Variants in TRDN observed in about 807,000 individuals in gnomAD.
The protein encoded by TRDN is triadin, also known as triadin in skeletal muscle.
Under a neutral mutation model 149.7 loss-of-function variants are expected in TRDN, and 161 were observed. The observed-to-expected ratio is 1.08, with a 90% CI of 0.95 to 1.23. The LOEUF (loss-of-function observed/expected upper bound fraction) is 1.23. TRDN is among the 50% of genes most tolerant of loss of function. The pLI, the probability that TRDN is intolerant of heterozygous loss-of-function variation, is 0.00. For missense variants in TRDN, 896 were observed against 823.5 expected, an observed-to-expected ratio of 1.09 and a Z score of -1.08; for synonymous variants, 294 against 250.5, an observed-to-expected ratio of 1.17 and a Z score of -1.64.
At chr6:123,614,420 T>G (rs1415304567) in intron 1 of TRDN, among the ~76,000 whole-genome samples, 1 of 151,242 alleles carries the variant, frequency 6.6e-6, no homozygotes, top group Non-Finnish European at 1.5e-5. Flanking sequence ...AATAGAAATA[T>G]TAAAACTAGC....
At chr6:123,378,541 T>C (rs1340481679) in intron 16 of TRDN, among the ~76,000 whole-genome samples, 1 of 151,364 alleles carries the variant, frequency 6.6e-6, no homozygotes, top group Non-Finnish European at 1.5e-5. Flanking sequence ...GGTCTCAAAC[T>C]TCTGGGCTCA....
intron 1 of TRDN, among the ~76,000 whole-genome samples, chr6:123,617,222 G>A (rs1785139292): frequency 6.6e-6 from 1 of 152,080 alleles, no homozygotes; most frequent in Non-Finnish European, 1.5e-5. Context: ...CCAAAGTAGG[G>A]CAAGGTGTCC....
intron 4 of TRDN, among the ~76,000 whole-genome samples, chr6:123,540,252 G>A (rs1178268418): frequency 4.6e-5 from 7 of 152,072 alleles, no homozygotes; most frequent in African/African-American, 1.7e-4. Context: ...AGATGCTTTC[G>A]CAGAGGCATT....
chr6:123,543,373 A>G (rs995903400), intron 4 of TRDN, among the ~76,000 whole-genome samples: 7 of 152,224 alleles, frequency 4.6e-5, no homozygotes, highest in Admixed American at 3.9e-4. Flanking sequence ...CTCATAGAAA[A>G]CACTTGAAAA....
At chr6:123,401,764 T>C (rs1582972947) in intron 12 of TRDN, among the ~76,000 whole-genome samples, 3 of 152,106 alleles carry the variant, frequency 2.0e-5, no homozygotes, top group East Asian at 3.9e-4. Context: ...CTGGCCAACA[T>C]GGTGAAACCC....
At position 123,512,287 on chromosome 6, in the gene TRDN, T is replaced by C; in HGVS notation, c.610+16A>G. On this transcript the variant is annotated intron_variant, in intron 7 of 40. Coordinates refer to ENST00000334268, the MANE Select transcript of TRDN (RefSeq NM_006073.4). Reference sequence around the variant, plus strand: ...AAAAAGAATTTAGTTATGGAAATAATAAATTGAAAAGTTACCTTTCGCCAG... The same window carrying C: ...AAAAAGAATTTAGTTATGGAAATAACAAATTGAAAAGTTACCTTTCGCCAG... The C allele has an allele frequency of 2.2e-6, 3 of 1,362,704 alleles. No individual in the cohort carries two copies. Among genetic ancestry groups the C allele is most frequent in the Non-Finnish European group, 3.0e-6 (3 of 985,170 alleles). The allele number at this position is 1,362,704 out of a possible 1,614,324, so 84.4% of individuals were successfully genotyped here.
intron 2 of TRDN, among the ~76,000 whole-genome samples, chr6:123,558,361 A>G (rs923541361): frequency 2.6e-5 from 4 of 151,870 alleles, no homozygotes; most frequent in African/African-American, 4.8e-5. Flanking sequence ...TAATCCTTTT[A>G]TCACCTCCCC....
At chr6:123,426,564 C>T (rs146868951) in intron 12 of TRDN, among the ~76,000 whole-genome samples, 1 of 152,242 alleles carries the variant, frequency 6.6e-6, no homozygotes, top group Non-Finnish European at 1.5e-5. Flanking sequence ...GCTTATATCA[C>T]ATGTTCAAGC....
chr6:123,497,594 T>G (rs1296425886), intron 8 of TRDN, among the ~76,000 whole-genome samples: 1 of 152,176 alleles, frequency 6.6e-6, no homozygotes, highest in African/African-American at 2.4e-5. Flanking sequence ...TTTGTCATTT[T>G]ATAAACTTTC....
chr6:123,401,331 G>T (rs1772962263), intron 12 of TRDN, among the ~76,000 whole-genome samples: 1 of 152,194 alleles, frequency 6.6e-6, no homozygotes, highest in Admixed American at 6.5e-5. Flanking sequence ...GCCCAAGGAA[G>T]AATTCAGAGG....
In TRDN at chr6:123,584,158, G is replaced by A. The variant is rs182312554; in HGVS notation, c.23-13026C>T. 2.3e-3 allele frequency among the ~76,000 whole-genome samples: 343 copies of A among 152,270 alleles called. 2 individuals carry two copies. The highest frequency in any genetic ancestry group is 3.4e-3 in the Non-Finnish European group (234 of 68,018). On this transcript the variant is annotated intron_variant, in intron 1 of 40. Coordinates refer to ENST00000334268, the MANE Select transcript of TRDN (RefSeq NM_006073.4). ...TCATGGAGGTCGGGTGTGGTATCAG[G>A]AATAATGTGGGAGGCTGGATTGAAG... is the stretch of plus-strand genomic sequence containing the variant.
intron 35 of TRDN, among the ~76,000 whole-genome samples, chr6:123,256,538 A>G (rs1241944266): frequency 6.6e-6 from 1 of 152,130 alleles, no homozygotes; most frequent in African/African-American, 2.4e-5. Context: ...CTGGTGTGAG[A>G]TGGTATCTCA....
intron 9 of TRDN, among the ~76,000 whole-genome samples, chr6:123,484,643 A>G (rs1465324118): frequency 1.3e-5 from 2 of 152,152 alleles, no homozygotes; most frequent in African/African-American, 4.8e-5. Flanking sequence ...TTCTTGTCTG[A>G]CAGCAAGTCC....
chr6:123,410,539 A>T (rs1008741154), intron 12 of TRDN, among the ~76,000 whole-genome samples: 3 of 152,228 alleles, frequency 2.0e-5, no homozygotes, highest in African/African-American at 7.2e-5. Context: ...TATTTTAAGT[A>T]TATATTTATT....
At chr6:123,330,934 C>T (rs970231486) in intron 23 of TRDN, among the ~76,000 whole-genome samples, 7 of 151,936 alleles carry the variant, frequency 4.6e-5, no homozygotes, top group African/African-American at 1.7e-4. Flanking sequence ...ATAAAAAAAT[C>T]CCAGTAAGAT....
intron 1 of TRDN, among the ~76,000 whole-genome samples, chr6:123,578,701 G>T (rs570544618): frequency 6.6e-6 from 1 of 152,264 alleles, no homozygotes; most frequent in East Asian, 1.9e-4. Context: ...AATGTCACTG[G>T]TAGTTTGATA....
intron 21 of TRDN, among the ~76,000 whole-genome samples, chr6:123,341,535 G>T (rs1780062320): frequency 6.8e-6 from 1 of 147,166 alleles, no homozygotes; most frequent in Admixed American, 6.6e-5. Context: ...TGCAACCTGT[G>T]TAATCCTCTA....
intron 12 of TRDN, among the ~76,000 whole-genome samples, chr6:123,409,102 G>T (rs552738481): frequency 1.6e-3 from 237 of 152,172 alleles, no homozygotes; most frequent in African/African-American, 5.5e-3. Flanking sequence ...ACATAGACTG[G>T]GTGATGTTAC....
chr6:123,442,888 C>A (rs1357717756), intron 10 of TRDN, among the ~76,000 whole-genome samples: 1 of 152,020 alleles, frequency 6.6e-6, no homozygotes, highest in Non-Finnish European at 1.5e-5. Flanking sequence ...TACTGTACTG[C>A]AATGAAGTGG....
Sources: allele counts gnomAD v4.1 joint callset (sites outside exome capture counted in the v4.1 genomes callset), GRCh38; gene constraint gnomAD v4.1.1; transcripts MANE v1.5; gene names NCBI Gene and HGNC (gene_info 2026-07-23, HGNC 2026-07-21).